The following STK35 variants were observed in gnomAD, a reference collection of about 807,000 sequenced individuals.
STK35 encodes the protein serine/threonine kinase 35.
In STK35, 17 loss-of-function variants were observed where a neutral mutation model predicts 37.3. That is an observed-to-expected ratio of 0.46 (90% confidence interval 0.31 to 0.68). STK35 has a LOEUF of 0.68. Among genes scored for constraint, STK35 ranks in the 30% least tolerant of loss-of-function variants. STK35 has a pLI of 0.05. For synonymous variants in STK35, 385 were observed against 319.1 expected, an observed-to-expected ratio of 1.21 and a Z score of -2.20; for missense variants, 595 against 746.7, an observed-to-expected ratio of 0.80 and a Z score of 2.37.
intron 3 of STK35, among the ~76,000 whole-genome samples, chr20:2,141,594 T>C (rs1162646562): frequency 6.6e-6 from 1 of 152,182 alleles, no homozygotes; most frequent in Admixed American, 6.5e-5. Context: ...AAAACTAAAA[T>C]ATAACATTGG....
intron 2 of STK35, among the ~76,000 whole-genome samples, chr20:2,110,718 A>G (rs937179026): frequency 6.6e-6 from 1 of 152,196 alleles, no homozygotes; most frequent in South Asian, 2.1e-4. Context: ...CAAAGTCCTA[A>G]TTAGTCCTCT....
At position 2,102,970 on chromosome 20, in the gene STK35, C is replaced by T. The variant is rs781004864; in HGVS notation, c.497C>T (p.Pro166Leu). The part of the protein sequence containing the change: ...VPRAPSTKLR[P>L]AAAARAMDPV... ...CGGGCGCCCAGCACGAAGCTGAGGC[C>T]GGCGGCGGCGGCCCGGGCCATGGAT... The change falls in exon 2 of 4, where the codon CCG (proline) becomes CTG (leucine). Residue 166 changes from proline to leucine, a missense_variant. Physicochemically the swap from Pro to Leu is moderately conservative, Grantham distance 98 (BLOSUM62 -3). This residue lies in a region of STK35 where 389 missense variants were observed against 320.0 expected (regional missense o/e 1.22). Transcript: ENST00000381482. The T allele has an allele frequency of 1.5e-5, 21 of 1,424,176 alleles. No individual in the cohort carries two copies. The African/African-American group carries it at 2.4e-4, about 16-fold the overall frequency. 88.2% of individuals were successfully genotyped at this position (1,424,176 alleles called of 1,614,324 possible).
intron 2 of STK35, among the ~76,000 whole-genome samples, chr20:2,106,733 C>T (rs1985522524): frequency 6.6e-6 from 1 of 152,208 alleles, no homozygotes; most frequent in South Asian, 2.1e-4. Context: ...AAATGCTGTT[C>T]TTGGTCTTAC....
Position 2,103,148 on chromosome 20 carries a change from G to A in STK35, c.675G>A (p.Gly225=). 6.2e-7 allele frequency: 1 copy of A among 1,605,770 alleles called. No homozygotes were observed. The highest frequency in any genetic ancestry group is 2.2e-5 in the East Asian group (1 of 44,758). ...VVYEAVAGRS[G]ARVAVKKIRC... The stretch of plus-strand genomic sequence containing the variant: ...ATGAGGCAGTGGCCGGGCGCAGCGG[G>A]GCCCGGGTGGCGGTCAAGAAGATCC... Residue 225 remains glycine, a synonymous_variant, in exon 2 of 4, where the codon GGG becomes GGA. Coordinates refer to ENST00000381482, the MANE Select transcript of STK35 (RefSeq NM_080836.4).
At chr20:2,116,083 G>A (rs887421780) in intron 2 of STK35, among the ~76,000 whole-genome samples, 2 of 152,180 alleles carry the variant, frequency 1.3e-5, no homozygotes, top group Non-Finnish European at 2.9e-5. Context: ...GGCATGTTAT[G>A]TACCTAACTT....
At chr20:2,132,811 A>C (rs2122577555) in intron 3 of STK35, among the ~76,000 whole-genome samples, 1 of 152,272 alleles carries the variant, frequency 6.6e-6, no homozygotes, top group East Asian at 1.9e-4. Flanking sequence ...CAGCTCTCCT[A>C]CTTACTAGCT....
chr20:2,104,871 A>G (rs536270773), intron 2 of STK35, among the ~76,000 whole-genome samples: 1 of 152,084 alleles, frequency 6.6e-6, no homozygotes, highest in Non-Finnish European at 1.5e-5. Flanking sequence ...AAAGACTTCC[A>G]GCAGGGCACA....
chr20:2,105,107 T>G (rs1351039421), intron 2 of STK35, among the ~76,000 whole-genome samples: 1 of 151,298 alleles, frequency 6.6e-6, no homozygotes, highest in Non-Finnish European at 1.5e-5. Context: ...CAGTGAGCCA[T>G]TATCATGCAA....
intron 2 of STK35, among the ~76,000 whole-genome samples, chr20:2,109,139 T>C (rs141475675): frequency 5.3e-5 from 8 of 152,288 alleles, no homozygotes; most frequent in African/African-American, 1.7e-4. Context: ...GAAGAGATGG[T>C]TACAGTACAA....
intron 3 of STK35, among the ~76,000 whole-genome samples, chr20:2,138,231 G>T (rs1986117798): frequency 6.6e-6 from 1 of 152,140 alleles, no homozygotes; most frequent in African/African-American, 2.4e-5. Flanking sequence ...GTATGCCAAT[G>T]GGATGACTTT....
intron 2 of STK35, among the ~76,000 whole-genome samples, chr20:2,108,588 G>C (rs190812158): frequency 2.0e-5 from 3 of 152,262 alleles, no homozygotes; most frequent in African/African-American, 4.8e-5. Flanking sequence ...GCTGATTTCT[G>C]TTGGTTCCTT....
chr20:2,129,171 G>A (rs1046469383), intron 3 of STK35, among the ~76,000 whole-genome samples: 1 of 152,120 alleles, frequency 6.6e-6, no homozygotes, highest in Non-Finnish European at 1.5e-5. Flanking sequence ...AGCAAACTTC[G>A]TTTTTCTGTT....
chr20:2,130,747 C>T (rs1985985621), intron 3 of STK35, among the ~76,000 whole-genome samples: 1 of 152,072 alleles, frequency 6.6e-6, no homozygotes, highest in Non-Finnish European at 1.5e-5. Context: ...GGTCTGTAGT[C>T]CCTGGTTTCA....
At chr20:2,113,483 G>C (rs1472167984) in intron 2 of STK35, among the ~76,000 whole-genome samples, 1 of 152,214 alleles carries the variant, frequency 6.6e-6, no homozygotes, top group Non-Finnish European at 1.5e-5. Context: ...CAGAGATTGT[G>C]GGGGCAGCAG....
At chr20:2,102,426 G>A (rs1600594448) in intron 1 of STK35, among the ~76,000 whole-genome samples, 1 of 152,228 alleles carries the variant, frequency 6.6e-6, no homozygotes, top group South Asian at 2.1e-4. Context: ...CGTCACAGAG[G>A]GGGCCAAGCA....
intron 2 of STK35, among the ~76,000 whole-genome samples, chr20:2,112,056 C>T (rs1221337642): frequency 6.6e-6 from 1 of 152,238 alleles, no homozygotes. Context: ...CCCCTCAGCT[C>T]ACCGCACCTC....
chr20:2,123,185 C>G (rs1174625102), intron 3 of STK35, among the ~76,000 whole-genome samples: 2 of 152,150 alleles, frequency 1.3e-5, no homozygotes, highest in Non-Finnish European at 2.9e-5. Context: ...CGAATGACGT[C>G]TTTTTGGAGT....
At chr20:2,123,461 A>G (rs978575400) in intron 3 of STK35, among the ~76,000 whole-genome samples, 5 of 152,156 alleles carry the variant, frequency 3.3e-5, no homozygotes, top group African/African-American at 1.2e-4. Flanking sequence ...ATCTAACCCT[A>G]GTACAACCCT....
In STK35 at chr20:2,101,979, A is replaced by G; in HGVS notation, c.98A>G (p.Glu33Gly). The G allele has an allele frequency of 6.6e-7, 1 of 1,525,188 alleles. No homozygotes were observed. The highest frequency in any genetic ancestry group is 8.8e-7 in the Non-Finnish European group (1 of 1,139,970). The allele number at this position is 1,525,188 out of a possible 1,614,324, so 94.5% of individuals were successfully genotyped here. A position where few individuals can be genotyped will look rare whatever the true frequency, so the allele number is the denominator to read the frequency against. The change falls in exon 1 of 4, where the codon GAA becomes GGA. Residue 33 changes from glutamate (E) to glycine (G), a missense_variant. Physicochemically the swap from Glu to Gly is moderately conservative, Grantham distance 98. Coordinates refer to ENST00000381482, the MANE Select transcript of STK35 (RefSeq NM_080836.4). ...CKGLSWREHV[E>G]SHGSLGAQAS... ...GGGCTCAGCTGGCGCGAACACGTGG[A>G]AAGCCACGGGAGCCTAGGAGCCCAG... is the stretch of plus-strand genomic sequence containing the variant.
Sources: gnomAD v4.1 joint callset for allele counts (sites outside exome capture counted in the v4.1 genomes callset) on GRCh38, gnomAD v4.1.1 for gene constraint, gnomAD v4.1.1 regional missense constraint, MANE v1.5 for transcripts, NCBI Gene and HGNC (gene_info 2026-07-23, HGNC 2026-07-21) for gene names.